The following MKRN2 variants were observed in gnomAD, a reference collection of about 807,000 sequenced individuals.
MKRN2 encodes E3 ubiquitin-protein ligase makorin-2.
Under a neutral mutation model 45.4 loss-of-function variants are expected in MKRN2, and 32 were observed. The ratio of observed to expected loss-of-function variants is 0.70; its 90% CI spans 0.53 to 0.95. The LOEUF (loss-of-function observed/expected upper bound fraction) is 0.95, where lower values mean the gene tolerates loss of function less well. Among genes scored for constraint, MKRN2 ranks in the 40% least tolerant of loss-of-function variants. The pLI, the probability that MKRN2 is intolerant of heterozygous loss-of-function variation, is 0.00. For synonymous variants in MKRN2, 206 were observed against 192.4 expected (o/e 1.07, Z -0.59); for missense variants, 526 against 536.7 (o/e 0.98, Z 0.20).
chr3:12,566,554 T>C (rs1342845347), intron 1 of MKRN2, among the ~76,000 whole-genome samples: 1 of 152,196 alleles, frequency 6.6e-6, no homozygotes, highest in Non-Finnish European at 1.5e-5. Context: ...CTAATGTAAT[T>C]CTCATTTCAG....
chr3:12,583,369 G>GTAT lies in MKRN2; in HGVS notation c.*1119_*1121dup, dbSNP rs2058203346. ...CAAATAAATAAATAGTTTATAAAAT[G>GTAT]TATTACTTAAGGTATTAGCTGAGTT... is the stretch of plus-strand genomic sequence containing the variant. On this transcript the variant is annotated 3_prime_UTR_variant, in exon 8 of 8. Transcript: ENST00000170447. 1 of 167,706 alleles carries GTAT rather than the reference G, an allele frequency of 6.0e-6. No homozygotes were observed. The highest frequency in any genetic ancestry group is 2.0e-4 in the South Asian group (1 of 4,966). The allele number at this position is 167,706 out of a possible 1,614,324, so 10.4% of individuals were successfully genotyped here. A position where few individuals can be genotyped will look rare whatever the true frequency, so the allele number is the denominator to read the frequency against.
chr3:12,560,640 G>C (rs1029845544), intron 1 of MKRN2: 1 of 152,284 alleles, frequency 6.6e-6, no homozygotes, highest in Non-Finnish European at 1.5e-5. Flanking sequence ...TGGTGGTTCT[G>C]TGGCCAGCAG....
Position 12,583,616 on chromosome 3 carries a change from A to ATTTAT in MKRN2, c.*1370_*1374dup, listed in dbSNP as rs1478027698. The ATTTAT allele has an allele frequency of 4.3e-6, 1 of 231,794 alleles. No homozygotes were observed. The highest frequency in any genetic ancestry group is 6.1e-5 in the East Asian group (1 of 16,354). 14.4% of individuals were successfully genotyped at this position (231,794 alleles called of 1,614,324 possible). A position where few individuals can be genotyped will look rare whatever the true frequency, so the allele number is the denominator to read the frequency against. ...CAGCCAGCCATTACACCTAAATTTA[A>ATTTAT]TTTATTTTATTAAAATAACATAATT... On this transcript the variant is annotated 3_prime_UTR_variant, in exon 8 of 8. Coordinates refer to ENST00000170447, the MANE Select transcript of MKRN2 (RefSeq NM_014160.5).
At chr3:12,581,629 C>A (rs113120869) in intron 6 of MKRN2, among the ~76,000 whole-genome samples, 179 bp from the exon 7 acceptor site, 1,821 of 152,264 alleles carry the variant, frequency 0.012, 18 homozygotes, top group South Asian at 0.027. Context: ...AAATCAGAAT[C>A]CCAGCTGTGT....
rs2058071861 is a variant in MKRN2, at chr3:12,566,931, C to T, written c.27-1944C>T. ...GGTCTTATTTAAATCATCCATTTCT[C>T]TCCACATTATGTTTATGTTTTTCTT... On this transcript the variant is annotated intron_variant, in intron 1 of 7. Transcript: ENST00000170447. Among the ~76,000 whole-genome samples, 3 of 152,318 alleles carry T rather than the reference C, an allele frequency of 2.0e-5. 1 individual carries two copies. The South Asian group carries it at 6.2e-4, about 32-fold the overall frequency.
At chr3:12,572,787 G>A (rs777012242) in intron 4 of MKRN2, among the ~76,000 whole-genome samples, 35 of 152,106 alleles carry the variant, frequency 2.3e-4, no homozygotes, top group Middle Eastern at 3.4e-3. Context: ...GTTTCACCAC[G>A]TTGGCCAGGC....
In MKRN2 at chr3:12,576,661, G is replaced by A; in HGVS notation, c.888G>A (p.Glu296=). 1.9e-6 allele frequency: 3 copies of A among 1,608,344 alleles called. No homozygotes were observed. Among genetic ancestry groups the A allele is most frequent in the Non-Finnish European group, 2.6e-6 (3 of 1,175,130 alleles). ...GTCCAGAATGCCGTGTGATATCAGA[G>A]TTTGTAATTCCAAGTGTGTATTGGG... is the stretch of plus-strand genomic sequence containing the variant. The part of the protein sequence containing the change: ...KSCPECRVIS[E]FVIPSVYWVE... Residue 296 remains glutamate (E), a synonymous_variant, in exon 6 of 8, where the codon GAG becomes GAA. Coordinates refer to ENST00000170447, the MANE Select transcript of MKRN2 (RefSeq NM_014160.5).
At chr3:12,560,082 G>A (rs1234249352) in intron 1 of MKRN2, among the ~76,000 whole-genome samples, 2 of 152,120 alleles carry the variant, frequency 1.3e-5, no homozygotes, top group African/African-American at 4.8e-5. Context: ...AATGAGGATG[G>A]TAATGCCTAA....
chr3:12,572,039 A>G (rs2058102529), intron 3 of MKRN2, 30 bp from the exon 4 acceptor site: 1 of 1,533,726 alleles, frequency 6.5e-7, no homozygotes, highest in Non-Finnish European at 8.8e-7. Flanking sequence ...GGCCATTTTC[A>G]TGTGCATGTG....
At chr3:12,563,227 C>T (rs2058050017) in intron 1 of MKRN2, among the ~76,000 whole-genome samples, 1 of 152,158 alleles carries the variant, frequency 6.6e-6, no homozygotes, top group South Asian at 2.1e-4. Flanking sequence ...TCATACTAGC[C>T]AAACGCATGA....
At chr3:12,570,398 C>G (rs540238019) in intron 3 of MKRN2, 146 bp downstream of exon 3, 2 of 759,926 alleles carry the variant, frequency 2.6e-6, no homozygotes, top group African/African-American at 1.8e-5. Flanking sequence ...CAGAACTGTT[C>G]TGAAGAGGCT....
At chr3:12,563,331 G>C (rs115786936) in intron 1 of MKRN2, among the ~76,000 whole-genome samples, 1,718 of 152,226 alleles carry the variant, frequency 0.011, 25 homozygotes, top group African/African-American at 0.039. Flanking sequence ...CTCTGCTTTT[G>C]GGGAGAGAAA....
chr3:12,566,680 G>A (rs745916956), intron 1 of MKRN2, among the ~76,000 whole-genome samples: 21 of 152,178 alleles, frequency 1.4e-4, no homozygotes, highest in Non-Finnish European at 2.6e-4. Context: ...TTGGCTCACT[G>A]CAACCTCCGC....
In MKRN2 at chr3:12,569,929, G is replaced by A. The variant is rs902836748; in HGVS notation, c.156-142G>A. ...GCATCTGTTAATAATCGATAATCCT[G>A]TTAGAGTTTAAATATTGGAAAAGAT... On this transcript the variant is annotated intron_variant, in intron 2 of 7. Transcript: ENST00000170447. 21 of 727,976 alleles carry A rather than the reference G, an allele frequency of 2.9e-5. No homozygotes were observed. In the South Asian group the frequency reaches 4.0e-4, roughly 14 times the overall value. The allele number at this position is 727,976 out of a possible 1,614,324, so 45.1% of individuals were successfully genotyped here.
intron 3 of MKRN2, 83 bp from the exon 4 acceptor site, chr3:12,571,986 C>T (rs752412942): frequency 7.3e-7 from 1 of 1,376,042 alleles, no homozygotes; most frequent in Non-Finnish European, 9.7e-7. Context: ...GTCAGAGTAG[C>T]TTAATATGTT....
intron 5 of MKRN2, 107 bp downstream of exon 5, chr3:12,575,113 A>G (rs2125305942): frequency 2.0e-6 from 2 of 1,022,476 alleles, no homozygotes; most frequent in East Asian, 2.6e-5. Context: ...GTAACTGGTG[A>G]GTTCTGGCCC....
chr3:12,565,684 C>T lies in MKRN2; in HGVS notation c.27-3191C>T, dbSNP rs73128378. Among the ~76,000 whole-genome samples the T allele has an allele frequency of 1.9e-3, 294 of 151,940 alleles. 1 individual carries two copies. Among genetic ancestry groups the T allele is most frequent in the African/African-American group, 6.4e-3 (266 of 41,452 alleles). On this transcript the variant is annotated intron_variant, in intron 1 of 7. Transcript: ENST00000170447. Reference sequence around the variant, plus strand: ...CCAAGTAGCTGGGAGCACAGGTGCACGCTACCGTGCCTGGCTAATTTTTTG... The same window carrying T: ...CCAAGTAGCTGGGAGCACAGGTGCATGCTACCGTGCCTGGCTAATTTTTTG...
intron 5 of MKRN2, 64 bp downstream of exon 5, chr3:12,575,070 C>A: frequency 1.3e-6 from 2 of 1,493,268 alleles, no homozygotes; most frequent in Non-Finnish European, 1.8e-6. Flanking sequence ...GACTTTATTC[C>A]GTCCACTTTT....
chr3:12,563,848 G>A (rs1054172869), intron 1 of MKRN2, among the ~76,000 whole-genome samples: 25 of 23,266 alleles, frequency 1.1e-3, no homozygotes, highest in South Asian at 3.2e-3. Context: ...TTATGCATTC[G>A]TCCATTAGCG....
Sources: allele counts gnomAD v4.1 joint callset (sites outside exome capture counted in the v4.1 genomes callset), GRCh38; gene constraint gnomAD v4.1.1; transcripts MANE v1.5; gene names NCBI Gene and HGNC (gene_info 2026-07-23, HGNC 2026-07-21).